NAA38: variants seen among roughly 807,000 people sequenced by gnomAD.
NAA38 encodes LSM domain containing 1.
In NAA38, 15 loss-of-function variants were observed where a neutral mutation model predicts 12.6. The observed-to-expected ratio is 1.19, with a 90% CI of 0.79 to 1.83. The LOEUF (loss-of-function observed/expected upper bound fraction) is 1.83, where lower values mean the gene tolerates loss of function less well. NAA38 is among the 40% of genes most tolerant of loss of function. The pLI, the probability that NAA38 is intolerant of heterozygous loss-of-function variation, is 0.00. For missense variants in NAA38, 183 were observed against 171.7 expected (o/e 1.07, Z -0.37); for synonymous variants, 88 against 69.9 (o/e 1.26, Z -1.29).
At chr17:7,885,307 C>CCGCCGCCGCCGCCGCCGCCGCCGCCG (rs1967659125), upstream of NAA38, 7 of 157,218 alleles carry the variant, frequency 4.5e-5, no homozygotes, top group East Asian at 2.4e-4. Flanking sequence ...GCACCCCTCC[C>CCGCCGCCGCCGCCGCCGCCGCCGCCG]CCGCCGCCGC....
upstream of NAA38, chr17:7,859,447 C>T: frequency 2.5e-6 from 4 of 1,614,100 alleles, no homozygotes; most frequent in Non-Finnish European, 3.4e-6. Flanking sequence ...CACATGCTGC[C>T]AGCTACACGT....
chr17:7,878,538 A>G (rs1003664566), intron 2 of NAA38, among the ~76,000 whole-genome samples: 8 of 152,142 alleles, frequency 5.3e-5, no homozygotes, highest in Non-Finnish European at 8.8e-5. Flanking sequence ...CCTGGCCAAC[A>G]TGGTAAAACC....
intron 2 of NAA38, among the ~76,000 whole-genome samples, chr17:7,877,448 ATTTTTCT>A (rs1472596761): frequency 1.4e-5 from 2 of 140,036 alleles, no homozygotes; most frequent in African/African-American, 5.4e-5. Flanking sequence ...GAAGTAACTC[ATTTTTCT>A]TTTTTCTTTT....
chr17:7,878,264 T>C (rs1002889788), intron 2 of NAA38, among the ~76,000 whole-genome samples: 28 of 152,010 alleles, frequency 1.8e-4, no homozygotes, highest in African/African-American at 6.3e-4. Flanking sequence ...TATATAGATA[T>C]GGCAAATCAT....
At chr17:7,858,005 T>C (rs894023021), upstream of NAA38, 3 of 1,516,684 alleles carry the variant, frequency 2.0e-6, no homozygotes, top group African/African-American at 2.8e-5. Flanking sequence ...AAAAGGACAA[T>C]GGTTTCCATG....
intron 2 of NAA38, among the ~76,000 whole-genome samples, chr17:7,871,525 C>T (rs1349301581): frequency 6.6e-6 from 1 of 152,062 alleles, no homozygotes; most frequent in Non-Finnish European, 1.5e-5. Context: ...AACACTAGCT[C>T]GCTATCTTCC....
intron 2 of NAA38, among the ~76,000 whole-genome samples, chr17:7,878,944 T>A (rs1164257973): frequency 6.6e-6 from 1 of 151,074 alleles, no homozygotes; most frequent in Non-Finnish European, 1.5e-5. Flanking sequence ...TATATATGTT[T>A]AATAATATGT....
At chr17:7,875,057 G>A (rs1212027708) in intron 2 of NAA38, among the ~76,000 whole-genome samples, 1 of 151,768 alleles carries the variant, frequency 6.6e-6, no homozygotes, top group East Asian at 1.9e-4. Flanking sequence ...CTATCCGGTT[G>A]TGGTGGTGTG....
chr17:7,858,983 G>C, upstream of NAA38: 3 of 659,450 alleles, frequency 4.5e-6, no homozygotes, highest in Non-Finnish European at 4.9e-6. Context: ...TAGGTCCCCA[G>C]GGTTGGGAAT....
At chr17:7,858,908 TC>T, upstream of NAA38, 1 of 1,269,762 alleles carries the variant, frequency 7.9e-7, no homozygotes, top group East Asian at 2.5e-5. Context: ...CAACATTTTT[TC>T]CATAACCGGT....
chr17:7,856,868 G>C, intron 2 of NAA38, 25 bp from the exon 3 acceptor site: 1 of 1,611,570 alleles, frequency 6.2e-7, no homozygotes, highest in Non-Finnish European at 8.5e-7. Context: ...CAGAGCATCA[G>C]GAAAGTAGGC....
intron 2 of NAA38, among the ~76,000 whole-genome samples, chr17:7,871,126 T>G (rs1189661089): frequency 6.6e-6 from 1 of 152,228 alleles, no homozygotes. Flanking sequence ...TCTTTCTCAA[T>G]TGCTATTAAC....
chr17:7,880,041 TAAAG>T (rs768158046), intron 2 of NAA38, among the ~76,000 whole-genome samples: 2 of 151,372 alleles, frequency 1.3e-5, no homozygotes, highest in Non-Finnish European at 2.9e-5. Context: ...GGAAGACAGA[TAAAG>T]GAAGAAAAAA....
At chr17:7,884,974 G>A (rs1158609276) in intron 1 of NAA38, 2 of 1,281,914 alleles carry the variant, frequency 1.6e-6, no homozygotes, top group East Asian at 3.1e-5. Flanking sequence ...GGCGCGGGCC[G>A]GGCCACGACC....
chr17:7,882,613 G>C (rs958893259), intron 2 of NAA38, among the ~76,000 whole-genome samples: 8 of 152,030 alleles, frequency 5.3e-5, no homozygotes, highest in Admixed American at 2.6e-4. Flanking sequence ...AGGAAAACTG[G>C]AAAAGGAGGA....
upstream of NAA38, chr17:7,858,589 C>T (rs2078854199): frequency 6.2e-7 from 1 of 1,607,488 alleles, no homozygotes; most frequent in Non-Finnish European, 8.5e-7. Context: ...ACCCTCGCCC[C>T]AAACCCTCCT....
chr17:7,857,688 C>A, upstream of NAA38: 2 of 1,319,986 alleles, frequency 1.5e-6, no homozygotes, highest in Non-Finnish European at 1.9e-6. Context: ...TATCGCGAGA[C>A]CTTTACCTCT....
intron 2 of NAA38, among the ~76,000 whole-genome samples, chr17:7,873,872 T>G (rs1422065728): frequency 6.6e-6 from 1 of 152,202 alleles, no homozygotes; most frequent in Non-Finnish European, 1.5e-5. Context: ...TCCTTTTCTT[T>G]AAAATGAACT....
At chr17:7,866,253 ATT>A (rs56289148) in intron 3 of NAA38, among the ~76,000 whole-genome samples, 11,607 of 90,138 alleles carry the variant, frequency 0.13, 939 homozygotes, top group East Asian at 0.51. Flanking sequence ...AGCCCGGCTA[ATT>A]TTTTTTTTTT....
Sources: allele counts gnomAD v4.1 joint callset (sites outside exome capture counted in the v4.1 genomes callset), GRCh38; gene constraint gnomAD v4.1.1; transcripts MANE v1.5; gene names NCBI Gene and HGNC (gene_info 2026-07-23, HGNC 2026-07-21).